The following PPM1D variants were observed in gnomAD, a reference collection of about 807,000 sequenced individuals.
PPM1D encodes the protein protein phosphatase, Mg2+/Mn2+ dependent 1D.
Under a neutral mutation model 58.3 loss-of-function variants are expected in PPM1D, and 52 were observed. The observed-to-expected ratio is 0.89, with a 90% CI of 0.71 to 1.12. The LOEUF is 1.12. Among genes scored for constraint, PPM1D ranks in the 50% most tolerant of loss-of-function variants. The pLI is 0.00. For synonymous variants in PPM1D, 278 were observed against 285.1 expected (o/e 0.98, Z 0.25); for missense variants, 564 against 777.2 (o/e 0.73, Z 3.26).
intron 1 of PPM1D, among the ~76,000 whole-genome samples, chr17:60,620,980 C>T (rs148258754): frequency 0.047 from 7,059 of 150,898 alleles, 582 homozygotes; most frequent in African/African-American, 0.16. Flanking sequence ...TGGAGTGCAG[C>T]GGCACGATCT....
Position 60,600,327 on chromosome 17 carries a change from C to T in PPM1D, c.-88C>T. ...CCTTCTCGGCGTCGTCGAAGATAAA[C>T]AATAGTTGGCCGGCGAGCGCCTAGT... is the stretch of plus-strand genomic sequence containing the variant. On this transcript the variant is annotated 5_prime_UTR_variant, in exon 1 of 6. Transcript: ENST00000305921. 1 of 1,499,034 alleles carries T rather than the reference C, an allele frequency of 6.7e-7. No individual in the cohort carries two copies. Among genetic ancestry groups the T allele is most frequent in the Non-Finnish European group, 8.9e-7 (1 of 1,129,166 alleles). The allele number at this position is 1,499,034 out of a possible 1,614,324, so 92.9% of individuals were successfully genotyped here.
At chr17:60,619,971 T>C (rs1230303999) in intron 1 of PPM1D, among the ~76,000 whole-genome samples, 2 of 150,350 alleles carry the variant, frequency 1.3e-5, no homozygotes, top group Non-Finnish European at 2.9e-5. Flanking sequence ...TGCCCAGTTT[T>C]TTTTTGTTTT....
At chr17:60,645,876 C>T (rs1343689667) in intron 3 of PPM1D, among the ~76,000 whole-genome samples, 1 of 151,880 alleles carries the variant, frequency 6.6e-6, no homozygotes, top group African/African-American at 2.4e-5. Context: ...AGTACCGTGG[C>T]TCATACTTGT....
intron 1 of PPM1D, among the ~76,000 whole-genome samples, chr17:60,618,671 T>A (rs2030633134): frequency 6.6e-6 from 1 of 152,180 alleles, no homozygotes; most frequent in African/African-American, 2.4e-5. Context: ...GTAGGAAAAT[T>A]TTATATATTC....
intron 1 of PPM1D, among the ~76,000 whole-genome samples, chr17:60,615,591 A>G (rs1016415382): frequency 1.5e-4 from 23 of 152,130 alleles, no homozygotes; most frequent in South Asian, 2.1e-4. Context: ...TGCAGTTTCA[A>G]TCAGAATCTC....
intron 1 of PPM1D, among the ~76,000 whole-genome samples, chr17:60,621,959 G>A (rs1414498574): frequency 6.7e-6 from 1 of 150,096 alleles, no homozygotes; most frequent in East Asian, 2.0e-4. Flanking sequence ...AGGCCAAGGC[G>A]GGCAGATCAC....
At chr17:60,619,057 T>C (rs1474077732) in intron 1 of PPM1D, among the ~76,000 whole-genome samples, 2 of 152,216 alleles carry the variant, frequency 1.3e-5, no homozygotes, top group Non-Finnish European at 2.9e-5. Flanking sequence ...TAACCCCTAA[T>C]CCCTGGCAAC....
intron 4 of PPM1D, among the ~76,000 whole-genome samples, chr17:60,654,208 G>A (rs2031392752): frequency 6.7e-6 from 1 of 150,066 alleles, no homozygotes; most frequent in Non-Finnish European, 1.5e-5. Flanking sequence ...TATTTTTGTT[G>A]GGTTTTTATC....
intron 4 of PPM1D, among the ~76,000 whole-genome samples, chr17:60,655,028 A>C (rs1207705290): frequency 6.6e-6 from 1 of 152,108 alleles, no homozygotes; most frequent in African/African-American, 2.4e-5. Flanking sequence ...ATTTGCATAA[A>C]ATGAGATCCT....
chr17:60,631,507 C>T (rs1199731428), intron 2 of PPM1D, among the ~76,000 whole-genome samples: 3 of 151,014 alleles, frequency 2.0e-5, no homozygotes, highest in Admixed American at 6.6e-5. Flanking sequence ...GGCATTGTGG[C>T]GGGTGCCTGT....
chr17:60,661,244 A>G, intron 5 of PPM1D, among the ~76,000 whole-genome samples: 1 of 150,456 alleles, frequency 6.6e-6, no homozygotes, highest in East Asian at 1.9e-4. Flanking sequence ...AAAAAAAGGA[A>G]AGGTGTTTAT....
rs2031562776 is a variant in PPM1D at position 60,663,304 on chromosome 17, C to T, written c.1570C>T (p.Gln524Ter). 2 of 1,613,966 alleles carry T rather than the reference C, an allele frequency of 1.2e-6. No homozygotes were observed. Among genetic ancestry groups the T allele is most frequent in the Non-Finnish European group, 1.7e-6 (2 of 1,180,012 alleles). The change falls in exon 6 of 6, where the codon CAA becomes TAA. Residue 524 changes from glutamine (Q) to a stop codon, truncating the protein, a stop_gained. Transcript: ENST00000305921. LOFTEE classifies it high-confidence loss of function. ...GTCAACTCCTGGCCAAATGAAAGCC[C>T]AAGAAATTGAAAGAACCCCTCCAAC... ...KMSTPGQMKA[Q>*]EIERTPPTNF...
chr17:60,647,693 A>T (rs1215010230), intron 3 of PPM1D, among the ~76,000 whole-genome samples, 199 bp from the exon 4 acceptor site: 1 of 152,198 alleles, frequency 6.6e-6, no homozygotes, highest in Non-Finnish European at 1.5e-5. Flanking sequence ...ATTCTGGTGG[A>T]TATACTTTAT....
At chr17:60,633,794 C>A in intron 2 of PPM1D, 59 bp from the exon 3 acceptor site, 1 of 1,417,024 alleles carries the variant, frequency 7.1e-7, no homozygotes, top group Admixed American at 2.1e-5. Context: ...ATATACTGAG[C>A]TATCTTAGTT....
rs1416636199 is a variant in PPM1D, at chr17:60,664,788, TTTTA to T, written c.*1247_*1250del. The T allele has an allele frequency of 2.6e-5, 4 of 152,110 alleles. No individual in the cohort carries two copies. The highest frequency in any genetic ancestry group is 5.9e-5 in the Non-Finnish European group (4 of 68,050). The allele number at this position is 152,110 out of a possible 1,614,324, so 9.4% of individuals were successfully genotyped here. A position where few individuals can be genotyped will look rare whatever the true frequency, so the allele number is the denominator to read the frequency against. ...ATGATCATGCTTTACAGTGAGTGTATTTTATTTATTTATTATTTTGTTTGTTTGT... is the reference window on the plus strand; with the variant it reads ...ATGATCATGCTTTACAGTGAGTGTATTTTATTTATTATTTTGTTTGTTTGT... On this transcript the variant is annotated 3_prime_UTR_variant, in exon 6 of 6. Coordinates refer to ENST00000305921, the MANE Select transcript of PPM1D (RefSeq NM_003620.4).
Position 60,600,224 on chromosome 17 carries a change from G to T in PPM1D, c.-191G>T, listed in dbSNP as rs566808991. Reference sequence around the variant, plus strand: ...CAGGCGCAACTGCCTGGCTCTGCTCGCTCCGGCGCTCCGGCCCAGCTCTCG... The same window carrying T: ...CAGGCGCAACTGCCTGGCTCTGCTCTCTCCGGCGCTCCGGCCCAGCTCTCG... On this transcript the variant is annotated 5_prime_UTR_variant, in exon 1 of 6. Transcript: ENST00000305921. 699 of 1,170,840 alleles carry T rather than the reference G, an allele frequency of 6.0e-4. 9 individuals are homozygous for T. In the South Asian group the frequency reaches 0.01, roughly 17 times the overall value. The allele number at this position is 1,170,840 out of a possible 1,614,324, so 72.5% of individuals were successfully genotyped here.
At chr17:60,649,545 T>C (rs145430160) in intron 4 of PPM1D, among the ~76,000 whole-genome samples, 4,888 of 151,954 alleles carry the variant, frequency 0.032, 285 homozygotes, top group African/African-American at 0.11. Flanking sequence ...CAAAATTAGC[T>C]GGGTGTGGTG....
At position 60,665,357 on chromosome 17, in the gene PPM1D, G is replaced by T. The variant is rs549511502; in HGVS notation, c.*1805G>T. On this transcript the variant is annotated 3_prime_UTR_variant, in exon 6 of 6. Coordinates refer to ENST00000305921, the MANE Select transcript of PPM1D (RefSeq NM_003620.4). ...CCTGAGTAGCTGGAACTACAGGTGC[G>T]TGCCACCATGCCTGGCTAAGTTTTG... 9 of 152,190 alleles carry T rather than the reference G, an allele frequency of 5.9e-5. No individual in the cohort carries two copies. In the South Asian group the frequency reaches 1.2e-3, roughly 21 times the overall value. 9.4% of individuals were successfully genotyped at this position (152,190 alleles called of 1,614,324 possible).
intron 1 of PPM1D, among the ~76,000 whole-genome samples, chr17:60,605,861 C>G (rs1248062618): frequency 6.6e-6 from 1 of 152,148 alleles, no homozygotes; most frequent in Non-Finnish European, 1.5e-5. Flanking sequence ...GCTGAGATCA[C>G]GCCATTGCAC....
Sources: gnomAD v4.1 joint callset for allele counts (sites outside exome capture counted in the v4.1 genomes callset) on GRCh38, gnomAD v4.1.1 for gene constraint, MANE v1.5 for transcripts, NCBI Gene and HGNC (gene_info 2026-07-23, HGNC 2026-07-21) for gene names.